Variants in ZFHX3 observed in about 807,000 individuals in gnomAD.
The protein encoded by ZFHX3 is zinc finger homeobox protein 3.
A neutral mutation model predicts 279.1 loss-of-function variants in ZFHX3; 42 were observed. That is an observed-to-expected ratio of 0.15 (90% CI 0.12 to 0.19). ZFHX3 has a LOEUF of 0.19. Among genes scored for constraint, ZFHX3 ranks in the 10% least tolerant of loss-of-function variants. The probability of loss-of-function intolerance (pLI) is 1.00; values close to 1 mark genes in which losing one functional copy is unlikely to be tolerated. For synonymous variants in ZFHX3, 2,293 were observed against 1,957.8 expected, an observed-to-expected ratio of 1.17 and a Z score of -4.52; for missense variants, 4,981 against 4,754.0, an observed-to-expected ratio of 1.05 and a Z score of -1.40.
chr16:73,813,229 TTCTCTCTC>T (rs3082305), intron 1 of ZFHX3, among the ~76,000 whole-genome samples: 164 of 147,728 alleles, frequency 1.1e-3, no homozygotes, highest in Middle Eastern at 3.5e-3. Flanking sequence ...CTCTTTCTCT[TTCTCTCTC>T]TCTCTCTCTC....
At chr16:73,671,581 G>A (rs1002979515) in intron 2 of ZFHX3, among the ~76,000 whole-genome samples, 7 of 152,220 alleles carry the variant, frequency 4.6e-5, no homozygotes, top group African/African-American at 1.7e-4. Flanking sequence ...TAACCTGGCA[G>A]GGTGCCTGCA....
intron 7 of ZFHX3, among the ~76,000 whole-genome samples, chr16:73,110,085 A>G (rs1966353835): frequency 6.6e-6 from 1 of 151,410 alleles, no homozygotes; most frequent in Non-Finnish European, 1.5e-5. Context: ...CTAAAAATAC[A>G]AAAAGCTACT....
chr16:73,735,271 G>A (rs138941615), intron 1 of ZFHX3, among the ~76,000 whole-genome samples: 1 of 151,672 alleles, frequency 6.6e-6, no homozygotes, highest in Non-Finnish European at 1.5e-5. Context: ...TGAGTCATAG[G>A]GTTATGAGTC....
chr16:73,411,722 C>T (rs1163569804), intron 3 of ZFHX3, among the ~76,000 whole-genome samples: 6 of 152,098 alleles, frequency 3.9e-5, no homozygotes, highest in Non-Finnish European at 8.8e-5. Flanking sequence ...ATATTTTGAA[C>T]CCTGGGTGGA....
chr16:72,888,423 C>T (rs954956183), intron 4 of ZFHX3, among the ~76,000 whole-genome samples: 3 of 152,076 alleles, frequency 2.0e-5, no homozygotes, highest in African/African-American at 7.2e-5. Flanking sequence ...GAGATGTCCA[C>T]GAAGCTCAGC....
chr16:72,997,293 G>C (rs748258209), intron 1 of ZFHX3, among the ~76,000 whole-genome samples: 1 of 152,122 alleles, frequency 6.6e-6, no homozygotes, highest in Non-Finnish European at 1.5e-5. Context: ...TGTGAAACTT[G>C]AACAACCGGA....
At chr16:72,954,815 A>T (rs908081482) in intron 2 of ZFHX3, among the ~76,000 whole-genome samples, 2 of 152,240 alleles carry the variant, frequency 1.3e-5, no homozygotes, top group African/African-American at 4.8e-5. Context: ...GAAAAGAAGC[A>T]ACCCCACAAT....
chr16:73,662,216 T>C (rs1384890119), intron 2 of ZFHX3, among the ~76,000 whole-genome samples: 1 of 152,218 alleles, frequency 6.6e-6, no homozygotes, highest in African/African-American at 2.4e-5. Context: ...AACTAGTTAC[T>C]AAATAGCATT....
At chr16:73,173,146 T>C (rs1967579724) in intron 5 of ZFHX3, among the ~76,000 whole-genome samples, 1 of 151,848 alleles carries the variant, frequency 6.6e-6, no homozygotes, top group Non-Finnish European at 1.5e-5. Context: ...GAAGCAACGA[T>C]GTCTCTGGGT....
At chr16:73,106,346 C>G (rs558011914) in intron 7 of ZFHX3, among the ~76,000 whole-genome samples, 2 of 152,038 alleles carry the variant, frequency 1.3e-5, no homozygotes, top group Non-Finnish European at 2.9e-5. Flanking sequence ...CCTTAAATGC[C>G]CATGCTTTTT....
chr16:72,905,679 A>G (rs1332297762), intron 3 of ZFHX3, among the ~76,000 whole-genome samples: 2 of 152,226 alleles, frequency 1.3e-5, no homozygotes, highest in Non-Finnish European at 2.9e-5. Context: ...AATGTGGTAC[A>G]TATTTTAGTT....
intron 5 of ZFHX3, among the ~76,000 whole-genome samples, chr16:73,187,808 T>C (rs181253621): frequency 1.7e-4 from 26 of 152,314 alleles, no homozygotes; most frequent in Non-Finnish European, 3.5e-4. Context: ...AAAGCACTCC[T>C]TTTCACGTCA....
At chr16:73,178,979 G>T (rs982749972) in intron 5 of ZFHX3, among the ~76,000 whole-genome samples, 10 of 152,180 alleles carry the variant, frequency 6.6e-5, no homozygotes, top group African/African-American at 2.2e-4. Context: ...GTAAATGAAA[G>T]TCAAATTGAG....
chr16:73,339,201 G>C (rs1381832570), intron 3 of ZFHX3, among the ~76,000 whole-genome samples: 1 of 152,202 alleles, frequency 6.6e-6, no homozygotes, highest in Non-Finnish European at 1.5e-5. Flanking sequence ...CTCTTCCAAA[G>C]AGGCTCTGAA....
intron 2 of ZFHX3, among the ~76,000 whole-genome samples, chr16:73,466,268 G>A (rs1488639482): frequency 1.3e-5 from 2 of 152,234 alleles, no homozygotes; most frequent in East Asian, 3.9e-4. Flanking sequence ...GATCCATTGA[G>A]CCCAGGAGTT....
chr16:72,933,813 CTTTTTTTTTTTTTTTTTTTTTTT>C (rs1446659438), intron 3 of ZFHX3, among the ~76,000 whole-genome samples: 45 of 112,464 alleles, frequency 4.0e-4, no homozygotes, highest in Admixed American at 3.3e-3. Flanking sequence ...TCACAACTTT[CTTTTTTTTTTTTTTTTTTTTTTT>C]GAGACAGAGT....
At chr16:73,302,099 C>G (rs1266450970) in intron 4 of ZFHX3, among the ~76,000 whole-genome samples, 1 of 152,142 alleles carries the variant, frequency 6.6e-6, no homozygotes, top group Non-Finnish European at 1.5e-5. Flanking sequence ...AGACAGAAGA[C>G]AAAAGGAGCA....
chr16:73,236,460 C>T (rs1302764424), intron 5 of ZFHX3, among the ~76,000 whole-genome samples: 1 of 152,116 alleles, frequency 6.6e-6, no homozygotes, highest in African/African-American at 2.4e-5. Context: ...CCTGGTGGCA[C>T]ATGTCTGTAA....
At chr16:73,092,848 G>A (rs1325882970) in intron 8 of ZFHX3, 14 of 497,678 alleles carry the variant, frequency 2.8e-5, no homozygotes, top group Non-Finnish European at 4.0e-5. Context: ...ATGCAGACCC[G>A]GAGTTTAATA....
Sources: gnomAD v4.1 joint callset for allele counts (sites outside exome capture counted in the v4.1 genomes callset) on GRCh38, gnomAD v4.1.1 for gene constraint, MANE v1.5 for transcripts, NCBI Gene and HGNC (gene_info 2026-07-23, HGNC 2026-07-21) for gene names.